Variants in GALNT17 observed in about 807,000 individuals in gnomAD.
GALNT17 encodes the protein polypeptide N-acetylgalactosaminyltransferase 17.
Under a neutral mutation model 63.7 loss-of-function variants are expected in GALNT17, and 29 were observed. The observed-to-expected ratio is 0.46, with a 90% CI of 0.34 to 0.62. The LOEUF (loss-of-function observed/expected upper bound fraction) is 0.62. Among genes scored for constraint, GALNT17 ranks in the 20% least tolerant of loss-of-function variants. The pLI is 0.01. For missense variants in GALNT17, 603 were observed against 799.6 expected, an observed-to-expected ratio of 0.75 and a Z score of 2.97; for synonymous variants, 305 against 318.3, an observed-to-expected ratio of 0.96 and a Z score of 0.45.
At chr7:71,564,478 G>T (rs1364980504) in intron 5 of GALNT17, among the ~76,000 whole-genome samples, 1 of 151,382 alleles carries the variant, frequency 6.6e-6, no homozygotes, top group Non-Finnish European at 1.5e-5. Flanking sequence ...GTAGAGATGG[G>T]GTTTCACATG....
chr7:71,539,897 A>C (rs1370010729), intron 5 of GALNT17, among the ~76,000 whole-genome samples: 1 of 150,746 alleles, frequency 6.6e-6, no homozygotes, highest in Non-Finnish European at 1.5e-5. Context: ...AAGTAGCTGG[A>C]ACTTTCTGCC....
At chr7:71,319,471 C>G (rs1791565217) in intron 1 of GALNT17, among the ~76,000 whole-genome samples, 1 of 152,110 alleles carries the variant, frequency 6.6e-6, no homozygotes, top group South Asian at 2.1e-4. Context: ...ACCCCTTTCT[C>G]TTTGTGTGTT....
chr7:71,459,738 G>T (rs556213659), intron 5 of GALNT17, among the ~76,000 whole-genome samples: 39 of 152,190 alleles, frequency 2.6e-4, no homozygotes, highest in Non-Finnish European at 4.6e-4. Flanking sequence ...TACATAGCTA[G>T]ATCTTTTTCT....
At chr7:71,497,493 A>T (rs1280022265) in intron 5 of GALNT17, among the ~76,000 whole-genome samples, 1 of 152,184 alleles carries the variant, frequency 6.6e-6, no homozygotes. Context: ...CAGTGAGCAC[A>T]CCGAATTACG....
At chr7:71,304,963 C>A (rs571752223) in intron 1 of GALNT17, among the ~76,000 whole-genome samples, 2 of 151,996 alleles carry the variant, frequency 1.3e-5, no homozygotes, top group Non-Finnish European at 2.9e-5. Flanking sequence ...CATGGCTGGC[C>A]TCCGTGATTC....
At chr7:71,166,483 C>CG (rs1788442932) in intron 1 of GALNT17, among the ~76,000 whole-genome samples, 1 of 152,170 alleles carries the variant, frequency 6.6e-6, no homozygotes, top group African/African-American at 2.4e-5. Flanking sequence ...GACTGTGCCT[C>CG]GACTCATCCG....
chr7:71,224,362 T>G (rs1789643810), intron 1 of GALNT17, among the ~76,000 whole-genome samples: 4 of 152,204 alleles, frequency 2.6e-5, no homozygotes, highest in Admixed American at 2.6e-4. Flanking sequence ...TTCCTAAACT[T>G]TTTTGATCAT....
In GALNT17 at chr7:71,453,047, G is replaced by A. The variant is rs566426339; in HGVS notation, c.962+31942G>A. 5.3e-5 allele frequency among the ~76,000 whole-genome samples: 8 copies of A among 152,248 alleles called. No individual in the cohort carries two copies. The South Asian group carries it at 6.2e-4, about 12-fold the overall frequency. On this transcript the variant is annotated intron_variant, in intron 5 of 10. Coordinates refer to ENST00000333538, the MANE Select transcript of GALNT17 (RefSeq NM_022479.3). ...CTGGTGGTTTAGTAAGTCCCAGACC[G>A]GAAACTCCAGGAGGGTAAGAGACAT...
At chr7:71,551,020 A>G (rs1027122181) in intron 5 of GALNT17, among the ~76,000 whole-genome samples, 7 of 152,002 alleles carry the variant, frequency 4.6e-5, no homozygotes, top group Non-Finnish European at 8.8e-5. Flanking sequence ...ATTATGGGAC[A>G]TTCTTATCTA....
At chr7:71,183,058 T>A (rs2116317655) in intron 1 of GALNT17, among the ~76,000 whole-genome samples, 1 of 152,282 alleles carries the variant, frequency 6.6e-6, no homozygotes, top group Non-Finnish European at 1.5e-5. Context: ...AGTTTTGTGA[T>A]TCTTTGATGA....
chr7:71,165,471 AAG>A (rs554291364), intron 1 of GALNT17, among the ~76,000 whole-genome samples: 3,293 of 104,970 alleles, frequency 0.031, 101 homozygotes, highest in African/African-American at 0.084. Flanking sequence ...CAGACAAGAG[AAG>A]AGAGAGAAGA....
chr7:71,361,147 C>T (rs1397442428), intron 2 of GALNT17, among the ~76,000 whole-genome samples: 2 of 152,082 alleles, frequency 1.3e-5, no homozygotes, highest in Non-Finnish European at 2.9e-5. Flanking sequence ...GTATGCAGTG[C>T]TGTAGCCAAC....
chr7:71,282,333 G>T, intron 1 of GALNT17, among the ~76,000 whole-genome samples: 1 of 152,212 alleles, frequency 6.6e-6, no homozygotes, highest in East Asian at 1.9e-4. Context: ...GAACCTTTTA[G>T]CCTGGTGGGA....
intron 1 of GALNT17, among the ~76,000 whole-genome samples, chr7:71,258,177 G>C (rs1790321985): frequency 6.6e-6 from 1 of 152,192 alleles, no homozygotes; most frequent in South Asian, 2.1e-4. Flanking sequence ...TTCCTCCTGG[G>C]TATAGAACAT....
intron 1 of GALNT17, among the ~76,000 whole-genome samples, chr7:71,278,630 T>C (rs1790724196): frequency 6.6e-6 from 1 of 152,150 alleles, no homozygotes; most frequent in Non-Finnish European, 1.5e-5. Context: ...TCAGAAAACC[T>C]ACAATCATGG....
rs139819987 is a variant in GALNT17, at chr7:71,414,317, G to A, written c.590-1572G>A. Among the ~76,000 whole-genome samples, 7 of 152,268 alleles carry A rather than the reference G, an allele frequency of 4.6e-5. No individual in the cohort carries two copies. In the East Asian group the frequency reaches 1.3e-3, roughly 29 times the overall value. ...CAATCTGTTGTTCATAGGAAGTTAT[G>A]TAATTGATCAACATTAATAATTATG... On this transcript the variant is annotated intron_variant, in intron 3 of 10. Coordinates refer to ENST00000333538, the MANE Select transcript of GALNT17 (RefSeq NM_022479.3).
chr7:71,587,303 C>T (rs889762861), intron 6 of GALNT17, among the ~76,000 whole-genome samples: 1 of 152,208 alleles, frequency 6.6e-6, no homozygotes, highest in East Asian at 1.9e-4. Flanking sequence ...GCTGAAATAA[C>T]AGGTGTGAGC....
In GALNT17 at chr7:71,155,200, A is replaced by G. The variant is rs183287379; in HGVS notation, c.238+22160A>G. Among the ~76,000 whole-genome samples the G allele has an allele frequency of 4.0e-3, 601 of 151,950 alleles. 2 individuals are homozygous for G. The highest frequency in any genetic ancestry group is 0.01 in the Middle Eastern group (3 of 294). ...TCATCATACCCAGTCTCTGAACCCT[A>G]GCACCACAGTTCCTTATATTGTGCT... On this transcript the variant is annotated intron_variant, in intron 1 of 10. Coordinates refer to ENST00000333538, the MANE Select transcript of GALNT17 (RefSeq NM_022479.3).
chr7:71,475,953 A>G (rs1787715557), intron 5 of GALNT17, among the ~76,000 whole-genome samples: 1 of 152,084 alleles, frequency 6.6e-6, no homozygotes, highest in Admixed American at 6.6e-5. Flanking sequence ...AGTAAGCATT[A>G]CTATATAAAT....
Sources: allele counts gnomAD v4.1 joint callset (sites outside exome capture counted in the v4.1 genomes callset), GRCh38; gene constraint gnomAD v4.1.1; transcripts MANE v1.5; gene names NCBI Gene and HGNC (gene_info 2026-07-23, HGNC 2026-07-21).